CTIF: variants seen among roughly 807,000 people sequenced by gnomAD.
CTIF encodes the protein CBP80/20-dependent translation initiation factor.
A neutral mutation model predicts 66.0 loss-of-function variants in CTIF; 21 were observed. The observed-to-expected ratio is 0.32, with a 90% CI of 0.23 to 0.46. CTIF has a LOEUF of 0.46. CTIF is among the 20% of genes least tolerant of loss of function. CTIF has a pLI of 1.00. For synonymous variants in CTIF, 345 were observed against 326.4 expected (o/e 1.06, Z -0.62); for missense variants, 739 against 812.7 (o/e 0.91, Z 1.10).
chr18:48,788,081 C>T (rs963935873), intron 9 of CTIF, among the ~76,000 whole-genome samples: 3 of 152,166 alleles, frequency 2.0e-5, no homozygotes, highest in Non-Finnish European at 4.4e-5. Context: ...TGGGACCCCC[C>T]CTTTCAGAGT....
chr18:48,583,077 G>A lies in CTIF; in HGVS notation c.-28-36461G>A, dbSNP rs553227639. ...GGAGGGGAGGGAGGAGGATGATGGG[G>A]GAGTGCCCAGATGGGAACTGCTGGC... On this transcript the variant is annotated intron_variant, in intron 1 of 11. Transcript: ENST00000256413. 4.6e-5 allele frequency among the ~76,000 whole-genome samples: 7 copies of A among 152,298 alleles called. No individual in the cohort carries two copies. The South Asian group carries it at 1.0e-3, about 23-fold the overall frequency.
intron 10 of CTIF, among the ~76,000 whole-genome samples, chr18:48,822,130 ATGT>A (rs1407810626): frequency 6.6e-6 from 1 of 152,176 alleles, no homozygotes; most frequent in Admixed American, 6.5e-5. Context: ...GAGTTCATCC[ATGT>A]TGTTGTATAT....
At chr18:48,773,841 A>G (rs1415410488) in intron 9 of CTIF, among the ~76,000 whole-genome samples, 1 of 151,962 alleles carries the variant, frequency 6.6e-6, no homozygotes, top group African/African-American at 2.4e-5. Flanking sequence ...ATAATGAACC[A>G]GAAGGGAGTT....
At chr18:48,808,523 T>TTTC (rs1415700327) in intron 9 of CTIF, among the ~76,000 whole-genome samples, 1 of 152,036 alleles carries the variant, frequency 6.6e-6, no homozygotes, top group African/African-American at 2.4e-5. Context: ...GTCCTTTTTT[T>TTTC]TTTTTTTTTT....
At chr18:48,776,607 G>T (rs1910704703) in intron 9 of CTIF, among the ~76,000 whole-genome samples, 1 of 152,232 alleles carries the variant, frequency 6.6e-6, no homozygotes, top group Non-Finnish European at 1.5e-5. Context: ...CACTGGGTCG[G>T]GTGTGGTCTG....
At chr18:48,768,712 C>A (rs947506788) in intron 9 of CTIF, among the ~76,000 whole-genome samples, 1 of 151,942 alleles carries the variant, frequency 6.6e-6, no homozygotes. Context: ...GAGTTTGAGA[C>A]CAGCCTGGGC....
At chr18:48,772,237 G>A (rs554354071) in intron 9 of CTIF, among the ~76,000 whole-genome samples, 15 of 152,234 alleles carry the variant, frequency 9.9e-5, no homozygotes, top group East Asian at 1.9e-4. Context: ...GCGGGAGGGA[G>A]TGGCCACAGA....
intron 1 of CTIF, among the ~76,000 whole-genome samples, chr18:48,599,001 G>A (rs1294971388): frequency 2.6e-5 from 4 of 152,014 alleles, no homozygotes; most frequent in Admixed American, 6.5e-5. Context: ...ATAGGATGCC[G>A]CCACCTTTGA....
chr18:48,747,928 A>G (rs1907401632), intron 7 of CTIF, among the ~76,000 whole-genome samples: 1 of 150,826 alleles, frequency 6.6e-6, no homozygotes, highest in Admixed American at 6.6e-5. Context: ...TGACTCTAAG[A>G]AATAATAATA....
intron 7 of CTIF, among the ~76,000 whole-genome samples, chr18:48,729,824 G>A (rs1417317830): frequency 6.6e-6 from 1 of 152,222 alleles, no homozygotes; most frequent in Non-Finnish European, 1.5e-5. Context: ...CTCAGAAACG[G>A]AAATATTTTG....
At chr18:48,624,336 G>C (rs1165533091) in intron 2 of CTIF, among the ~76,000 whole-genome samples, 1 of 152,124 alleles carries the variant, frequency 6.6e-6, no homozygotes, top group Non-Finnish European at 1.5e-5. Flanking sequence ...CCCACTGCTG[G>C]GTGGTGGCTG....
Position 48,761,369 on chromosome 18 carries a change from A to G in CTIF, c.1072-21A>G. 2.5e-6 allele frequency: 4 copies of G among 1,607,636 alleles called. No homozygotes were observed. Among genetic ancestry groups the G allele is most frequent in the South Asian group, 1.1e-5 (1 of 90,672 alleles). On this transcript the variant is annotated intron_variant, in intron 8 of 11. Transcript: ENST00000256413. This position sits in a 1 kb window ranked among gnomAD's most constrained non-coding sequence, Gnocchi z 4.2. ...ACCTCGGCTTCACTCAGGCACATTC[A>G]TTTGTCTCCGACACCCCCAGGATGA...
intron 7 of CTIF, among the ~76,000 whole-genome samples, chr18:48,728,351 T>C (rs1247937615): frequency 6.6e-6 from 1 of 152,192 alleles, no homozygotes; most frequent in African/African-American, 2.4e-5. Flanking sequence ...AGTTTCACTA[T>C]GGCAGCACCC....
rs567715840 is a variant in CTIF, at chr18:48,652,083, C to G, written c.253-11669C>G. Among the ~76,000 whole-genome samples, 12 of 152,238 alleles carry G rather than the reference C, an allele frequency of 7.9e-5. No homozygotes were observed. In the East Asian group the frequency reaches 2.3e-3, roughly 29 times the overall value. On this transcript the variant is annotated intron_variant, in intron 3 of 11. Transcript: ENST00000256413. ...ATCACAATTAAAAGAACTAGAGAAGCAAGAGCAAACACATTCAAAAGCTAG... is the reference window on the plus strand; with the variant it reads ...ATCACAATTAAAAGAACTAGAGAAGGAAGAGCAAACACATTCAAAAGCTAG...
intron 7 of CTIF, among the ~76,000 whole-genome samples, chr18:48,751,121 T>G (rs1375689115): frequency 6.6e-6 from 1 of 152,170 alleles, no homozygotes; most frequent in African/African-American, 2.4e-5. Flanking sequence ...CTATGAACCA[T>G]TCTTCTGCAT....
chr18:48,696,487 A>G (rs2092010574), intron 6 of CTIF, among the ~76,000 whole-genome samples: 2 of 152,086 alleles, frequency 1.3e-5, no homozygotes, highest in Admixed American at 1.3e-4. Context: ...CCCGCCAGAC[A>G]TATTGCTCTC....
chr18:48,642,764 A>G (rs1269397290), intron 3 of CTIF, among the ~76,000 whole-genome samples: 2 of 152,180 alleles, frequency 1.3e-5, no homozygotes, highest in South Asian at 2.1e-4. Flanking sequence ...ACAACCAACA[A>G]CCAAACAATC....
chr18:48,852,645 G>C (rs1456787950), intron 10 of CTIF, among the ~76,000 whole-genome samples: 2 of 152,230 alleles, frequency 1.3e-5, no homozygotes, highest in African/African-American at 2.4e-5. Flanking sequence ...CTGCCCCAGA[G>C]TAGCCCACAT....
chr18:48,543,302 G>A (rs578205452), intron 1 of CTIF, among the ~76,000 whole-genome samples: 16 of 152,158 alleles, frequency 1.1e-4, no homozygotes, highest in Non-Finnish European at 1.0e-4. Flanking sequence ...TTCTCCACAC[G>A]TGGTGGCATT....
Sources: allele counts gnomAD v4.1 joint callset (sites outside exome capture counted in the v4.1 genomes callset), GRCh38; gene constraint gnomAD v4.1.1; non-coding constraint Gnocchi (gnomAD v3.1); transcripts MANE v1.5; gene names NCBI Gene and HGNC (gene_info 2026-07-23, HGNC 2026-07-21).